The following CD200R1 variants were observed in gnomAD, a reference collection of about 807,000 sequenced individuals.
The protein encoded by CD200R1 is cell surface glycoprotein CD200 receptor 1.
Under a neutral mutation model 38.1 loss-of-function variants are expected in CD200R1, and 30 were observed. The observed-to-expected ratio is 0.79, with a 90% CI of 0.59 to 1.07. The LOEUF (loss-of-function observed/expected upper bound fraction) is 1.07. Ranked by LOEUF, CD200R1 falls within the 50% of genes least tolerant of loss-of-function variation. The pLI is 0.00. For missense variants in CD200R1, 372 were observed against 415.4 expected, an observed-to-expected ratio of 0.90 and a Z score of 0.91; for synonymous variants, 128 against 152.1, an observed-to-expected ratio of 0.84 and a Z score of 1.16.
intron 1 of CD200R1, among the ~76,000 whole-genome samples, chr3:112,949,059 T>A (rs1576142941): frequency 1.3e-5 from 2 of 152,146 alleles, no homozygotes; most frequent in East Asian, 3.9e-4. Context: ...CATGAGGAGT[T>A]TTCCAGGAAG....
intron 2 of CD200R1, among the ~76,000 whole-genome samples, chr3:112,945,265 C>G (rs1433839614): frequency 6.6e-6 from 1 of 152,148 alleles, no homozygotes; most frequent in Non-Finnish European, 1.5e-5. Flanking sequence ...GAATAGTCAA[C>G]ACATTATTGA....
At chr3:112,946,050 A>AAAG (rs1182961081) in intron 2 of CD200R1, among the ~76,000 whole-genome samples, 2 of 150,948 alleles carry the variant, frequency 1.3e-5, no homozygotes, top group Non-Finnish European at 3.0e-5. Context: ...AAAAAAAAAA[A>AAAG]AAGGAGAACG....
chr3:112,957,489 A>G (rs1366787611), intron 1 of CD200R1, among the ~76,000 whole-genome samples: 1 of 152,226 alleles, frequency 6.6e-6, no homozygotes, highest in Non-Finnish European at 1.5e-5. Flanking sequence ...CACAAAAAAA[A>G]TTACCTATAA....
At chr3:112,952,333 A>T (rs1431400134) in intron 1 of CD200R1, among the ~76,000 whole-genome samples, 1 of 152,130 alleles carries the variant, frequency 6.6e-6, no homozygotes, top group Non-Finnish European at 1.5e-5. Flanking sequence ...TTTAATGTTG[A>T]TTTTGTATCC....
chr3:112,954,087 C>A (rs1941032554), intron 1 of CD200R1, among the ~76,000 whole-genome samples: 1 of 152,132 alleles, frequency 6.6e-6, no homozygotes, highest in Non-Finnish European at 1.5e-5. Flanking sequence ...CCTCTTATAG[C>A]TGCTTTTGCT....
chr3:112,957,688 G>A (rs1398741156), intron 1 of CD200R1, among the ~76,000 whole-genome samples: 1 of 152,024 alleles, frequency 6.6e-6, no homozygotes, highest in Non-Finnish European at 1.5e-5. Context: ...ATATCATCAA[G>A]ATAATGAAAG....
chr3:112,948,264 TA>T (rs377465187), intron 1 of CD200R1, among the ~76,000 whole-genome samples: 1 of 152,088 alleles, frequency 6.6e-6, no homozygotes, highest in Non-Finnish European at 1.5e-5. Context: ...AATGAGGAGG[TA>T]AAAAAAGTTT....
rs755623715 is a variant in CD200R1 at position 112,947,856 on chromosome 3, C to T, written c.136G>A (p.Ala46Thr). 6.2e-7 allele frequency: 1 copy of T among 1,602,900 alleles called. No homozygotes were observed. The highest frequency in any genetic ancestry group is 8.5e-7 in the Non-Finnish European group (1 of 1,169,786). The change falls in exon 2 of 8, where the codon GCT (alanine) becomes ACT (threonine). Residue 46 changes from alanine to threonine, a missense_variant and splice_region_variant. Ala to Thr is a moderately conservative substitution (Grantham distance 58). Coordinates refer to ENST00000308611, the MANE Select transcript of CD200R1 (RefSeq NM_138806.4). ...ATTATTGTTAAAAGATGCACATTAC[C>T]TAAAGCATGATTCTCCTTGCTAGTT... ...LQTSKENHAL[A>T]SSSLCMDEKQ...
At position 112,958,488 on chromosome 3, in the gene CD200R1, G is replaced by T. The variant is rs562701923; in HGVS notation, c.68-10564C>A. On this transcript the variant is annotated intron_variant, in intron 1 of 7. Coordinates refer to ENST00000308611, the MANE Select transcript of CD200R1 (RefSeq NM_138806.4). ...CGCAAATGAGGATGAAGGAAGGGAT[G>T]GACTAAAGATACATGAGAAATATTT... 2.0e-5 allele frequency among the ~76,000 whole-genome samples: 3 copies of T among 152,154 alleles called. No individual in the cohort carries two copies. The South Asian group carries it at 6.2e-4, about 32-fold the overall frequency.
Position 112,952,371 on chromosome 3 carries a change from T to C in CD200R1, c.68-4447A>G, listed in dbSNP as rs368481714. 3.3e-4 allele frequency among the ~76,000 whole-genome samples: 51 copies of C among 152,264 alleles called. 1 individual carries two copies. In the South Asian group the frequency reaches 0.01, roughly 31 times the overall value. ...CAACTTTACTAAATTCATTTTTTAG[T>C]TCTAAGAATCAACCCAAATGTCCAA... On this transcript the variant is annotated intron_variant, in intron 1 of 7. Transcript: ENST00000308611.
intron 1 of CD200R1, among the ~76,000 whole-genome samples, chr3:112,972,505 T>A (rs1247766590): frequency 6.6e-6 from 1 of 151,980 alleles, no homozygotes; most frequent in Non-Finnish European, 1.5e-5. Flanking sequence ...CACCAAAATA[T>A]AATTTGAACA....
chr3:112,923,783 T>C lies in CD200R1; in HGVS notation c.941A>G (p.Tyr314Cys). Residue 314 changes from tyrosine (Y) to cysteine (C), a missense_variant, in exon 8 of 8, where the codon TAT becomes TGT. By Grantham distance (194) the Tyr-to-Cys change is radical. Coordinates refer to ENST00000308611, the MANE Select transcript of CD200R1 (RefSeq NM_138806.4). ...PVVEEDEMQP[Y>C]ASYTEKNNPL... ...ATTGTTCTTCTCTGTGTAGCTGGCA[T>C]AGGGCTGCATTTCATCCTAAGAAAG... The C allele has an allele frequency of 6.3e-7, 1 of 1,591,802 alleles. No homozygotes were observed. Among genetic ancestry groups the C allele is most frequent in the Non-Finnish European group, 8.5e-7 (1 of 1,170,246 alleles).
chr3:112,949,767 G>T (rs748476804), intron 1 of CD200R1, among the ~76,000 whole-genome samples: 6 of 152,130 alleles, frequency 3.9e-5, no homozygotes. Context: ...AAAGCAGATC[G>T]CATGGCAAGT....
intron 1 of CD200R1, among the ~76,000 whole-genome samples, chr3:112,973,966 A>G (rs1933371805): frequency 6.6e-6 from 1 of 152,184 alleles, no homozygotes; most frequent in African/African-American, 2.4e-5. Flanking sequence ...TACAGCCCAC[A>G]CATCTTGAAG....
chr3:112,975,076 A>G lies in CD200R1; in HGVS notation c.-219T>C. The G allele has an allele frequency of 1.8e-6, 1 of 555,892 alleles. No individual in the cohort carries two copies. The highest frequency in any genetic ancestry group is 3.0e-5 in the Admixed American group (1 of 33,016). The allele number at this position is 555,892 out of a possible 1,614,324, so 34.4% of individuals were successfully genotyped here. ...GGACGAACAGAAGCTTTTCTCTGGA[A>G]CTTGACACAGCAATAGATTTCCTGT... is the stretch of plus-strand genomic sequence containing the variant. On this transcript the variant is annotated 5_prime_UTR_variant, in exon 1 of 8. Coordinates refer to ENST00000308611, the MANE Select transcript of CD200R1 (RefSeq NM_138806.4).
At chr3:112,966,795 A>G (rs965587127) in intron 1 of CD200R1, among the ~76,000 whole-genome samples, 2 of 151,540 alleles carry the variant, frequency 1.3e-5, no homozygotes, top group East Asian at 1.9e-4. Flanking sequence ...TTCCCCTTCT[A>G]GCTAGGATCC....
chr3:112,947,995 T>A (rs1940901594), intron 1 of CD200R1, 71 bp from the exon 2 acceptor site: 2 of 937,746 alleles, frequency 2.1e-6, no homozygotes. Flanking sequence ...CTAGTTAAAA[T>A]CATATTTTTT....
intron 1 of CD200R1, among the ~76,000 whole-genome samples, chr3:112,974,178 G>A (rs573869752): frequency 6.8e-4 from 104 of 152,256 alleles, no homozygotes; most frequent in African/African-American, 2.4e-3. Context: ...GCTCATGCCT[G>A]TAATCCCAAT....
At chr3:112,936,234 T>G (rs1940577087) in intron 2 of CD200R1, among the ~76,000 whole-genome samples, 1 of 152,250 alleles carries the variant, frequency 6.6e-6, no homozygotes, top group Admixed American at 6.5e-5. Flanking sequence ...TTCATGTCTT[T>G]GCTATTGTGA....
Sources: allele counts gnomAD v4.1 joint callset (sites outside exome capture counted in the v4.1 genomes callset), GRCh38; gene constraint gnomAD v4.1.1; transcripts MANE v1.5; gene names NCBI Gene and HGNC (gene_info 2026-07-23, HGNC 2026-07-21).